FAM120B: variants seen among roughly 807,000 people sequenced by gnomAD.
FAM120B encodes the protein family with sequence similarity 120 member B.
FAM120B carries 83 observed loss-of-function variants against 96.3 expected under a neutral mutation model. That is an observed-to-expected ratio of 0.86 (90% confidence interval 0.72 to 1.03). FAM120B has a LOEUF of 1.03. Ranked by LOEUF, FAM120B falls within the 50% of genes least tolerant of loss-of-function variation. The probability of loss-of-function intolerance (pLI) is 0.00; values close to 1 mark genes in which losing one functional copy is unlikely to be tolerated. For synonymous variants in FAM120B, 407 were observed against 402.7 expected (o/e 1.01, Z -0.13); for missense variants, 1,027 against 1,121.2 (o/e 0.92, Z 1.20).
In FAM120B at chr6:170,338,640, A is replaced by T. The variant is rs1247437752; in HGVS notation, c.2017+8090A>T. On this transcript the variant is annotated intron_variant, in intron 4 of 10. Transcript: ENST00000476287. Reference sequence around the variant, plus strand: ...TGGGGTGTTAAAGTCTCCCACTATTACTGTGTGGGAGTCTAAGTCTCTTTG... The same window carrying T: ...TGGGGTGTTAAAGTCTCCCACTATTTCTGTGTGGGAGTCTAAGTCTCTTTG... 2.6e-5 allele frequency among the ~76,000 whole-genome samples: 4 copies of T among 152,066 alleles called. No homozygotes were observed. In the East Asian group the frequency reaches 7.7e-4, roughly 29 times the overall value.
chr6:170,304,845 T>G (rs1051394730), upstream of FAM120B, among the ~76,000 whole-genome samples: 1 of 152,158 alleles, frequency 6.6e-6, no homozygotes, highest in African/African-American at 2.4e-5. Flanking sequence ...CCTTGAAGCT[T>G]TTTCATCCCT....
intron 6 of FAM120B, among the ~76,000 whole-genome samples, chr6:170,373,536 T>C (rs7765934): frequency 0.31 from 47,345 of 152,088 alleles, 8,403 homozygotes; most frequent in East Asian, 0.79. Context: ...CCAATGTAAC[T>C]CCAGTTAGCT....
upstream of FAM120B, among the ~76,000 whole-genome samples, chr6:170,294,882 C>T (rs974402339): frequency 7.9e-5 from 12 of 152,042 alleles, no homozygotes; most frequent in Non-Finnish European, 1.6e-4. This position sits in a 1 kb window ranked among gnomAD's most constrained non-coding sequence, Gnocchi z 7.9. Context: ...TTCTCTTATT[C>T]GTAAGAAGAA....
Position 170,314,035 on chromosome 6 carries a change from T to C in FAM120B, c.-21-3335T>C, listed in dbSNP as rs758330995. Reference sequence around the variant, plus strand: ...GCGCATTGCTCTTAACCTCAAGGTTTGTAAGTTGAAAGATTATAGTAAAGG... The same window carrying C: ...GCGCATTGCTCTTAACCTCAAGGTTCGTAAGTTGAAAGATTATAGTAAAGG... On this transcript the variant is annotated intron_variant, in intron 1 of 10. Coordinates refer to ENST00000476287, the MANE Select transcript of FAM120B (RefSeq NM_032448.3). Among the ~76,000 whole-genome samples the C allele has an allele frequency of 2.3e-4, 35 of 152,378 alleles. 1 individual carries two copies. The Middle Eastern group carries it at 0.014, about 60-fold the overall frequency.
intron 6 of FAM120B, among the ~76,000 whole-genome samples, chr6:170,361,800 T>G (rs1583268049): frequency 6.6e-6 from 1 of 152,212 alleles, no homozygotes; most frequent in East Asian, 1.9e-4. Flanking sequence ...AATCTTTCTT[T>G]TTTAATTTTT....
At chr6:170,398,425 G>A (rs878900603) in intron 9 of FAM120B, among the ~76,000 whole-genome samples, 1 of 152,056 alleles carries the variant, frequency 6.6e-6, no homozygotes, top group Non-Finnish European at 1.5e-5. Context: ...TAACTCTTAG[G>A]AGTGAGTGAG....
At position 170,404,950 on chromosome 6, in the gene FAM120B, C is replaced by T. The variant is rs1480279742; in HGVS notation, c.*199C>T. On this transcript the variant is annotated 3_prime_UTR_variant, in exon 11 of 11. Transcript: ENST00000476287. ...GAAGAGCTTTTGTTGGCTTCTCTCC[C>T]GAGCTTGTGCCTGATTCTGTGGCCC... 6 of 244,156 alleles carry T rather than the reference C, an allele frequency of 2.5e-5. No individual in the cohort carries two copies. The highest frequency in any genetic ancestry group is 4.7e-5 in the Non-Finnish European group (6 of 127,612). The allele number at this position is 244,156 out of a possible 1,614,324, so 15.1% of individuals were successfully genotyped here.
At position 170,323,153 on chromosome 6, in the gene FAM120B, C is replaced by T. The variant is rs1160169994; in HGVS notation, c.1809C>T (p.Cys603=). 6.2e-7 allele frequency: 1 copy of T among 1,614,120 alleles called. No individual in the cohort carries two copies. Among genetic ancestry groups the T allele is most frequent in the South Asian group, 1.1e-5 (1 of 91,080 alleles). Residue 603 remains cysteine (C), a synonymous_variant, in exon 3 of 11, where the codon TGC becomes TGT. Coordinates refer to ENST00000476287, the MANE Select transcript of FAM120B (RefSeq NM_032448.3). ...TCATGAGCAGTGGAGAGATTGAATG[C>T]AGCAACACCCTAGAAGATGAGCTTG... ...YNIMSSGEIE[C]SNTLEDELDQ...
Position 170,327,328 on chromosome 6 carries a change from G to A in FAM120B, c.1916-3121G>A, listed in dbSNP as rs146322172. On this transcript the variant is annotated intron_variant, in intron 3 of 10. Transcript: ENST00000476287. Reference sequence around the variant, plus strand: ...CCCAAAGTGCTGGGATTACAGGCGTGAGCCACCGCGCCCGGCCAACTTGAA... The same window carrying A: ...CCCAAAGTGCTGGGATTACAGGCGTAAGCCACCGCGCCCGGCCAACTTGAA... Among the ~76,000 whole-genome samples the A allele has an allele frequency of 1.1e-4, 17 of 152,294 alleles. No homozygotes were observed. The East Asian group carries it at 2.7e-3, about 24-fold the overall frequency.
upstream of FAM120B, among the ~76,000 whole-genome samples, chr6:170,303,350 C>A (rs1784182176): frequency 6.6e-6 from 1 of 152,140 alleles, no homozygotes; most frequent in South Asian, 2.1e-4. Flanking sequence ...TATGATCCTC[C>A]CACCTCAGCC....
chr6:170,291,686 G>A (rs1461337067), upstream of FAM120B, among the ~76,000 whole-genome samples: 1 of 152,134 alleles, frequency 6.6e-6, no homozygotes, highest in Non-Finnish European at 1.5e-5. Context: ...CTCGGGGAGT[G>A]CAGAGCCGAC....
upstream of FAM120B, chr6:170,290,867 C>G (rs1783847452): frequency 7.5e-6 from 5 of 665,786 alleles, no homozygotes; most frequent in South Asian, 4.9e-5. This position sits in a 1 kb window ranked among gnomAD's most constrained non-coding sequence, Gnocchi z 4.7. Context: ...CGCGGCTGCC[C>G]GGGTTCCCCT....
intron 6 of FAM120B, among the ~76,000 whole-genome samples, chr6:170,368,495 C>G (rs1023743001): frequency 2.0e-5 from 3 of 152,198 alleles, no homozygotes; most frequent in African/African-American, 7.2e-5. Flanking sequence ...TAAGATGGCG[C>G]TTTACCGATT....
intron 6 of FAM120B, among the ~76,000 whole-genome samples, chr6:170,374,796 T>C (rs1470903993): frequency 6.6e-6 from 1 of 152,242 alleles, no homozygotes; most frequent in Non-Finnish European, 1.5e-5. Context: ...TTTACATTCC[T>C]AAGGAGTATT....
chr6:170,368,802 T>C (rs1788966647), intron 6 of FAM120B, among the ~76,000 whole-genome samples: 1 of 109,918 alleles, frequency 9.1e-6, no homozygotes, highest in South Asian at 4.3e-4. Context: ...TGCCAGCAGC[T>C]CTGCTGTCTG....
At chr6:170,311,379 C>T (rs370388994) in intron 1 of FAM120B, among the ~76,000 whole-genome samples, 1 of 152,212 alleles carries the variant, frequency 6.6e-6, no homozygotes. Flanking sequence ...TTTTTTTTCC[C>T]CATTTCTACA....
intron 2 of FAM120B, among the ~76,000 whole-genome samples, chr6:170,319,399 G>A (rs1328748085): frequency 6.6e-6 from 1 of 152,206 alleles, no homozygotes; most frequent in Non-Finnish European, 1.5e-5. Context: ...GGGCGTGGTG[G>A]CTCATGCCTG....
At chr6:170,395,709 T>C (rs1276275101) in intron 9 of FAM120B, 130 bp downstream of exon 9, 6 of 642,282 alleles carry the variant, frequency 9.3e-6, no homozygotes, top group Non-Finnish European at 5.6e-6. Flanking sequence ...CAGATAAATA[T>C]ACCAATGCAT....
At chr6:170,397,014 T>C (rs565785450) in intron 9 of FAM120B, among the ~76,000 whole-genome samples, 3 of 152,370 alleles carry the variant, frequency 2.0e-5, no homozygotes, top group African/African-American at 7.2e-5. Flanking sequence ...AAGAGTCTGC[T>C]TTCAGGTCAG....
Sources: allele counts gnomAD v4.1 joint callset (sites outside exome capture counted in the v4.1 genomes callset), GRCh38; gene constraint gnomAD v4.1.1; non-coding constraint Gnocchi (gnomAD v3.1); transcripts MANE v1.5; gene names NCBI Gene and HGNC (gene_info 2026-07-23, HGNC 2026-07-21).